CFAP47: variants seen among roughly 807,000 people sequenced by gnomAD.
The protein encoded by CFAP47 is cilia and flagella associated protein 47, also known as cilia- and flagella-associated protein 47.
In CFAP47, 29 loss-of-function variants were observed where a neutral mutation model predicts 148.1. The observed-to-expected ratio is 0.20, with a 90% CI of 0.15 to 0.27. The LOEUF is 0.27. Ranked by LOEUF, CFAP47 falls within the 10% of genes least tolerant of loss-of-function variation. The probability of loss-of-function intolerance (pLI) is 1.00; values close to 1 mark genes in which losing one functional copy is unlikely to be tolerated. For missense variants in CFAP47, 1,872 were observed against 1,697.5 expected (o/e 1.10, Z -1.81); for synonymous variants, 664 against 577.3 (o/e 1.15, Z -2.15).
intron 1 of CFAP47, among the ~76,000 whole-genome samples, chrX:35,925,495 A>G (rs1231808428): frequency 1.8e-5 from 2 of 112,203 alleles, no homozygotes; most frequent in Non-Finnish European, 3.8e-5. Context: ...TCATTCCACA[A>G]TGTATACCTG....
chrX:36,118,961 T>C (rs1171859047), intron 33 of CFAP47, among the ~76,000 whole-genome samples: 1 of 112,351 alleles, frequency 8.9e-6, no homozygotes, highest in Non-Finnish European at 1.9e-5. Flanking sequence ...TTCATTCTAA[T>C]AGTTTTTTTG....
intron 46 of CFAP47, among the ~76,000 whole-genome samples, chrX:36,234,789 T>C (rs1555993740): frequency 9.0e-6 from 1 of 111,386 alleles, no homozygotes; most frequent in Non-Finnish European, 1.9e-5. Context: ...ACAGATGGGT[T>C]TTTGGTGTGG....
At chrX:36,060,958 A>G (rs1302228530) in intron 26 of CFAP47, among the ~76,000 whole-genome samples, 1 of 111,642 alleles carries the variant, frequency 9.0e-6, no homozygotes, top group Non-Finnish European at 1.9e-5. Flanking sequence ...AGAAATAAAT[A>G]AATAAGTCCA....
intron 39 of CFAP47, among the ~76,000 whole-genome samples, chrX:36,178,045 G>A (rs749373772): frequency 9.7e-4 from 109 of 111,796 alleles, no homozygotes; most frequent in Non-Finnish European, 1.3e-3. Context: ...CATGAAAACA[G>A]CTGGAGGCCA....
At chrX:36,023,340 T>A (rs1407125511) in intron 22 of CFAP47, among the ~76,000 whole-genome samples, 2 of 111,896 alleles carry the variant, frequency 1.8e-5, no homozygotes, top group Non-Finnish European at 3.8e-5. Flanking sequence ...CTGAGACACA[T>A]GGAGTTGGGA....
intron 39 of CFAP47, among the ~76,000 whole-genome samples, chrX:36,176,773 C>T (rs1382222585): frequency 8.9e-6 from 1 of 111,781 alleles, no homozygotes; most frequent in East Asian, 2.8e-4. Flanking sequence ...CGCATGGTGG[C>T]ATGCACCTGT....
chrX:35,941,240 T>G lies in CFAP47; in HGVS notation c.402-43T>G, dbSNP rs376295810. On this transcript the variant is annotated intron_variant, in intron 2 of 63. Transcript: ENST00000378653. ...TACATATTTAGCTATCAGGCTCTTA[T>G]GATTGTTAAATTAATTATGTGGCCT... is the stretch of plus-strand genomic sequence containing the variant. 20 of 725,511 alleles carry G rather than the reference T, an allele frequency of 2.8e-5. No homozygotes were observed. In the African/African-American group the frequency reaches 3.3e-4, roughly 12 times the overall value. 59.8% of individuals were successfully genotyped at this position (725,511 alleles called of 1,213,427 possible).
intron 33 of CFAP47, among the ~76,000 whole-genome samples, chrX:36,127,505 T>G (rs1286421054): frequency 2.7e-5 from 3 of 111,548 alleles, no homozygotes; most frequent in African/African-American, 6.5e-5. Context: ...AGCCTTGTAG[T>G]ATAGTTTGAA....
chrX:36,279,748 G>A (rs924907982), intron 49 of CFAP47, among the ~76,000 whole-genome samples: 2 of 110,803 alleles, frequency 1.8e-5, no homozygotes, highest in Non-Finnish European at 3.8e-5. Flanking sequence ...TCTTTCACCC[G>A]GGATGGAGTA....
chrX:36,113,103 A>G (rs1325479327), intron 33 of CFAP47, among the ~76,000 whole-genome samples: 1 of 111,662 alleles, frequency 9.0e-6, no homozygotes, highest in African/African-American at 3.3e-5. Flanking sequence ...CAAGGTTAGT[A>G]TTGATATGTG....
chrX:36,125,060 T>C (rs994153371), intron 33 of CFAP47, among the ~76,000 whole-genome samples: 1 of 111,486 alleles, frequency 9.0e-6, no homozygotes, highest in African/African-American at 3.3e-5. Context: ...TAAAATTATC[T>C]CTGTATTACA....
chrX:35,996,166 T>C (rs929190957), intron 18 of CFAP47, among the ~76,000 whole-genome samples: 1 of 110,998 alleles, frequency 9.0e-6, no homozygotes, highest in African/African-American at 3.3e-5. Flanking sequence ...TAAGGAATGA[T>C]TGGGAGGTGA....
intron 45 of CFAP47, among the ~76,000 whole-genome samples, chrX:36,212,421 G>A (rs1006299316): frequency 5.4e-5 from 6 of 111,319 alleles, no homozygotes; most frequent in African/African-American, 9.8e-5. Context: ...GAATCTGCTC[G>A]TTGATTTATA....
At chrX:36,214,442 A>AT (rs1244906527) in intron 45 of CFAP47, among the ~76,000 whole-genome samples, 2 of 110,429 alleles carry the variant, frequency 1.8e-5, no homozygotes, top group Non-Finnish European at 1.9e-5. Flanking sequence ...CACTAAATTT[A>AT]TTTTTTTAAT....
At chrX:36,068,057 G>T (rs747860968) in intron 27 of CFAP47, among the ~76,000 whole-genome samples, 1 of 112,057 alleles carries the variant, frequency 8.9e-6, no homozygotes, top group Admixed American at 9.4e-5. Context: ...GACCACACAT[G>T]TTAGCAAGTG....
At chrX:36,151,285 G>A (rs779785843) in intron 37 of CFAP47, among the ~76,000 whole-genome samples, 10 of 111,962 alleles carry the variant, frequency 8.9e-5, no homozygotes, top group Non-Finnish European at 1.9e-4. Context: ...AACACAGTTT[G>A]TTAGTTCGTT....
At chrX:35,924,401 A>G (rs1935688663) in intron 1 of CFAP47, among the ~76,000 whole-genome samples, 1 of 101,903 alleles carries the variant, frequency 9.8e-6, no homozygotes, top group Admixed American at 1.0e-4. Flanking sequence ...GTATATATGC[A>G]CACACATATG....
intron 4 of CFAP47, among the ~76,000 whole-genome samples, chrX:35,950,564 G>A (rs1296497101): frequency 2.7e-5 from 3 of 110,503 alleles, no homozygotes; most frequent in Non-Finnish European, 5.7e-5. Context: ...TGTAGAGATA[G>A]GGTCTCACTG....
intron 42 of CFAP47, among the ~76,000 whole-genome samples, chrX:36,196,421 A>G (rs1939921303): frequency 9.0e-6 from 1 of 111,513 alleles, no homozygotes; most frequent in Non-Finnish European, 1.9e-5. Context: ...ATAAGAGAAT[A>G]AATACGATTT....
Sources: gnomAD v4.1 joint callset for allele counts (sites outside exome capture counted in the v4.1 genomes callset) on GRCh38, gnomAD v4.1.1 for gene constraint, MANE v1.5 for transcripts, NCBI Gene and HGNC (gene_info 2026-07-23, HGNC 2026-07-21) for gene names.